The following ELAPOR2 variants were observed in gnomAD, a reference collection of about 807,000 sequenced individuals.
ELAPOR2 encodes endosome/lysosome-associated apoptosis and autophagy regulator family member 2.
Under a neutral mutation model 120.7 loss-of-function variants are expected in ELAPOR2, and 89 were observed. The observed-to-expected ratio is 0.74, with a 90% CI of 0.62 to 0.88. ELAPOR2 has a LOEUF of 0.88. ELAPOR2 is among the 40% of genes least tolerant of loss of function. The pLI, the probability that ELAPOR2 is intolerant of heterozygous loss-of-function variation, is 0.00. For synonymous variants in ELAPOR2, 444 were observed against 444.9 expected (o/e 1.00, Z 0.03); for missense variants, 1,134 against 1,251.6 (o/e 0.91, Z 1.42).
intron 1 of ELAPOR2, among the ~76,000 whole-genome samples, chr7:86,983,697 G>A (rs377208391): frequency 6.6e-6 from 1 of 152,208 alleles, no homozygotes; most frequent in East Asian, 1.9e-4. Context: ...CACTAAACAT[G>A]GGAAGGAACA....
chr7:86,905,963 T>C (rs1788991886), intron 18 of ELAPOR2, among the ~76,000 whole-genome samples: 1 of 152,158 alleles, frequency 6.6e-6, no homozygotes. Flanking sequence ...ATTTTCCTTA[T>C]TACAATTAAA....
At chr7:87,040,439 GCCT>G (rs890929541) in intron 1 of ELAPOR2, among the ~76,000 whole-genome samples, 1 of 152,220 alleles carries the variant, frequency 6.6e-6, no homozygotes, top group African/African-American at 2.4e-5. Context: ...TGGGCAGACT[GCCT>G]CCTCAAGTGG....
chr7:87,056,018 T>C (rs887913943), intron 1 of ELAPOR2, among the ~76,000 whole-genome samples: 14 of 152,212 alleles, frequency 9.2e-5, no homozygotes, highest in African/African-American at 3.4e-4. Context: ...TCATGTACTT[T>C]TCTATCTTCT....
intron 1 of ELAPOR2, among the ~76,000 whole-genome samples, chr7:87,051,588 T>C (rs920178310): frequency 2.0e-5 from 3 of 152,218 alleles, no homozygotes; most frequent in Admixed American, 2.0e-4. Context: ...CTCTGTCCAT[T>C]TTCAGACAAG....
At chr7:86,936,166 T>G (rs1179484775) in intron 8 of ELAPOR2, among the ~76,000 whole-genome samples, 1 of 152,028 alleles carries the variant, frequency 6.6e-6, no homozygotes, top group African/African-American at 2.4e-5. Flanking sequence ...ATTAAACCAC[T>G]GGCAAATCAC....
intron 21 of ELAPOR2, among the ~76,000 whole-genome samples, chr7:86,883,627 A>AAAAT (rs1222914164): frequency 6.6e-6 from 1 of 152,188 alleles, no homozygotes; most frequent in Non-Finnish European, 1.5e-5. Flanking sequence ...TGAGTAAAGT[A>AAAAT]AAATGTACAC....
intron 18 of ELAPOR2, among the ~76,000 whole-genome samples, chr7:86,901,902 A>G (rs903220497): frequency 2.0e-5 from 3 of 152,228 alleles, no homozygotes; most frequent in Non-Finnish European, 2.9e-5. Flanking sequence ...ACACCACTGC[A>G]TCTTGCTCCA....
chr7:87,031,611 A>G (rs1308254131), intron 1 of ELAPOR2, among the ~76,000 whole-genome samples: 3 of 152,150 alleles, frequency 2.0e-5, no homozygotes, highest in Non-Finnish European at 4.4e-5. Flanking sequence ...CACCTACAGG[A>G]ATATCTCAGA....
chr7:86,957,928 T>C (rs1021653593), intron 2 of ELAPOR2, among the ~76,000 whole-genome samples: 2 of 152,186 alleles, frequency 1.3e-5, no homozygotes, highest in Admixed American at 6.5e-5. Context: ...AAAGAGAACA[T>C]TAATCAATTA....
chr7:87,044,392 C>T (rs1277602447), intron 1 of ELAPOR2, among the ~76,000 whole-genome samples: 6 of 95,628 alleles, frequency 6.3e-5, no homozygotes, highest in African/African-American at 9.1e-5. Flanking sequence ...CAGCATGGTA[C>T]TGGTACCAAA....
At chr7:86,951,377 A>T (rs886530703) in intron 2 of ELAPOR2, among the ~76,000 whole-genome samples, 4 of 152,264 alleles carry the variant, frequency 2.6e-5, no homozygotes, top group African/African-American at 9.6e-5. Context: ...ATATGTTGTT[A>T]TAAAGAACTC....
chr7:86,978,110 A>G (rs1792341108), intron 1 of ELAPOR2, among the ~76,000 whole-genome samples: 1 of 152,122 alleles, frequency 6.6e-6, no homozygotes, highest in Non-Finnish European at 1.5e-5. Flanking sequence ...AAATCATGGG[A>G]GCAGTTTCCC....
At chr7:86,978,830 T>C (rs1249642762) in intron 1 of ELAPOR2, among the ~76,000 whole-genome samples, 1 of 152,234 alleles carries the variant, frequency 6.6e-6, no homozygotes, top group Non-Finnish European at 1.5e-5. Flanking sequence ...CTCTTAATTA[T>C]TGTGTTTCAG....
intron 1 of ELAPOR2, among the ~76,000 whole-genome samples, chr7:86,974,659 A>G (rs895368440): frequency 5.9e-5 from 9 of 151,806 alleles, no homozygotes; most frequent in Non-Finnish European, 1.3e-4. Context: ...ATATACCAAA[A>G]GATTGACAGT....
intron 1 of ELAPOR2, among the ~76,000 whole-genome samples, chr7:87,043,997 C>G (rs906333135): frequency 2.0e-5 from 3 of 148,316 alleles, no homozygotes; most frequent in Non-Finnish European, 4.5e-5. Flanking sequence ...GAGTGAACTC[C>G]CATTCACAAT....
rs74370478 is a variant in ELAPOR2, at chr7:86,912,506, G to C, written c.1996-261C>G. Among the ~76,000 whole-genome samples the C allele has an allele frequency of 2.2e-4, 33 of 152,224 alleles. No individual in the cohort carries two copies. The East Asian group carries it at 6.2e-3, about 29-fold the overall frequency. On this transcript the variant is annotated intron_variant, in intron 14 of 21. Transcript: ENST00000450689. ...TTGTAGAAAGGTATTTTAAGAAATA[G>C]CCAAAATTCTGTTACGTAAATTTAA... is the stretch of plus-strand genomic sequence containing the variant.
At chr7:87,034,148 C>T (rs1794505826) in intron 1 of ELAPOR2, among the ~76,000 whole-genome samples, 1 of 151,976 alleles carries the variant, frequency 6.6e-6, no homozygotes, top group African/African-American at 2.4e-5. Flanking sequence ...GAAATACATG[C>T]AAAGGACTTT....
At chr7:87,019,070 A>C (rs1177583320) in intron 1 of ELAPOR2, among the ~76,000 whole-genome samples, 2 of 152,252 alleles carry the variant, frequency 1.3e-5, no homozygotes, top group African/African-American at 4.8e-5. Flanking sequence ...TCTGTGACCA[A>C]AATACCATAG....
At chr7:86,989,254 A>T (rs1423947312) in intron 1 of ELAPOR2, among the ~76,000 whole-genome samples, 2 of 152,180 alleles carry the variant, frequency 1.3e-5, no homozygotes. Context: ...CTAGGCTCCA[A>T]ATCTCTGTTT....
Sources: gnomAD v4.1 joint callset for allele counts (sites outside exome capture counted in the v4.1 genomes callset) on GRCh38, gnomAD v4.1.1 for gene constraint, MANE v1.5 for transcripts, NCBI Gene and HGNC (gene_info 2026-07-23, HGNC 2026-07-21) for gene names.